ATP6V1F: variants seen among roughly 807,000 people sequenced by gnomAD.
ATP6V1F encodes the protein ATPase H+ transporting V1 subunit F, also known as V-type proton ATPase subunit F.
In ATP6V1F, 4 loss-of-function variants were observed where a neutral mutation model predicts 6.6. The observed-to-expected ratio is 0.60, with a 90% CI of 0.30 to 1.38. The LOEUF is 1.38. Among genes scored for constraint, ATP6V1F ranks in the 40% most tolerant of loss-of-function variants. ATP6V1F has a pLI of 0.08. For synonymous variants in ATP6V1F, 68 were observed against 66.9 expected (o/e 1.02, Z -0.08); for missense variants, 136 against 165.5 (o/e 0.82, Z 0.98).
chr7:128,865,723 G>A lies in ATP6V1F; in HGVS notation c.*145G>A. The A allele has an allele frequency of 1.1e-6, 1 of 873,270 alleles. No individual in the cohort carries two copies. Among genetic ancestry groups the A allele is most frequent in the Non-Finnish European group, 1.7e-6 (1 of 583,520 alleles). The allele number at this position is 873,270 out of a possible 1,614,324, so 54.1% of individuals were successfully genotyped here. Reference sequence around the variant, plus strand: ...AAGAGGCTAGGTGAGGCGCTTCTAGGTTGCTGGGGCTCTGCTGGTTAAGGA... The same window carrying A: ...AAGAGGCTAGGTGAGGCGCTTCTAGATTGCTGGGGCTCTGCTGGTTAAGGA... On this transcript the variant is annotated 3_prime_UTR_variant, in exon 2 of 2. Transcript: ENST00000249289. The surrounding 1 kb of genome is among the most constrained non-coding windows in gnomAD (Gnocchi z 4.4).
At chr7:128,864,902 T>C (rs1809355292) in intron 1 of ATP6V1F, 1 of 544,842 alleles carries the variant, frequency 1.8e-6, no homozygotes, top group African/African-American at 1.9e-5. Context: ...GGGGTCTCAC[T>C]ATGTGGCCCA....
intron 1 of ATP6V1F, among the ~76,000 whole-genome samples, chr7:128,863,392 G>A (rs1397447676): frequency 6.6e-6 from 1 of 152,196 alleles, no homozygotes; most frequent in Non-Finnish European, 1.5e-5. Context: ...GATGATTTTT[G>A]TCCTACTCAC....
chr7:128,864,598 CTT>C (rs563759628), intron 1 of ATP6V1F, among the ~76,000 whole-genome samples: 12 of 135,842 alleles, frequency 8.8e-5, no homozygotes, highest in East Asian at 6.4e-4. Context: ...GTTAATGTGT[CTT>C]TTTTTTTTTT....
rs770592204 is a variant in ATP6V1F, at chr7:128,865,521, C to T, written c.303C>T (p.Ala101=). The change falls in exon 2 of 2, where the codon GCC becomes GCT. Residue 101 remains alanine, a synonymous_variant. Transcript: ENST00000249289. The surrounding 1 kb of genome is among the most constrained non-coding windows in gnomAD (Gnocchi z 4.4). ...IPSKEHPYDA[A]KDSILRRARG... is the part of the protein sequence containing the mutation. Reference sequence around the variant, plus strand: ...CCAAGGAGCACCCATATGACGCCGCCAAGGACTCCATCCTGCGCAGGGCCA... The same window carrying T: ...CCAAGGAGCACCCATATGACGCCGCTAAGGACTCCATCCTGCGCAGGGCCA... 11 of 1,614,010 alleles carry T rather than the reference C, an allele frequency of 6.8e-6. No individual in the cohort carries two copies. The Admixed American group carries it at 1.2e-4, about 17-fold the overall frequency.
chr7:128,863,210 C>T, intron 1 of ATP6V1F, 148 bp downstream of exon 1: 3 of 905,474 alleles, frequency 3.3e-6, no homozygotes, highest in Non-Finnish European at 5.0e-6. Flanking sequence ...CCCAAGTCCC[C>T]GTTTGGGGCT....
rs758574710 is a variant in ATP6V1F at position 128,865,391 on chromosome 7, G to A, written c.173G>A (p.Arg58Gln). The A allele has an allele frequency of 1.5e-5, 24 of 1,613,956 alleles. No individual in the cohort carries two copies. Among genetic ancestry groups the A allele is most frequent in the Admixed American group, 3.3e-5 (2 of 60,002 alleles). ...IEDTFRQFLNRDDIGIILINQ... is the reference protein window; with the variant it reads ...IEDTFRQFLNQDDIGIILINQ... ...TCTCCCCACAGGCAATTTCTAAACC[G>A]GGATGACATTGGCATCATCCTCATC... Residue 58 changes from arginine to glutamine, a missense_variant, in exon 2 of 2, where the codon CGG becomes CAG. Transcript: ENST00000249289. This position sits in a 1 kb window ranked among gnomAD's most constrained non-coding sequence, Gnocchi z 4.4.
chr7:128,865,259 C>G lies in ATP6V1F; in HGVS notation c.159-118C>G. On this transcript the variant is annotated intron_variant, in intron 1 of 1. Transcript: ENST00000249289. This position sits in a 1 kb window ranked among gnomAD's most constrained non-coding sequence, Gnocchi z 4.4. ...CCTTTCCCCTTGTCCTCTGTGCCCT[C>G]TGGGTCATGCTCATTCCCCTCCACA... 2.6e-6 allele frequency: 4 copies of G among 1,558,456 alleles called. 1 individual carries two copies. The East Asian group carries it at 9.4e-5, about 37-fold the overall frequency.
intron 1 of ATP6V1F, 93 bp downstream of exon 1, chr7:128,863,155 G>C: frequency 6.8e-7 from 1 of 1,466,798 alleles, no homozygotes; most frequent in South Asian, 1.3e-5. Context: ...GTGAGGGGAC[G>C]ATCCTGAAAG....
In ATP6V1F at chr7:128,865,123, A is replaced by T. The variant is rs1338649362; in HGVS notation, c.159-254A>T. Reference sequence around the variant, plus strand: ...CCTAATCAATCTTCATTACCAGTTCACTTGGAAGCCTTCCGGGCAGTGTTG... The same window carrying T: ...CCTAATCAATCTTCATTACCAGTTCTCTTGGAAGCCTTCCGGGCAGTGTTG... On this transcript the variant is annotated intron_variant, in intron 1 of 1. Transcript: ENST00000249289. The surrounding 1 kb of genome is among the most constrained non-coding windows in gnomAD (Gnocchi z 4.4). The T allele has an allele frequency of 2.0e-6, 3 of 1,535,982 alleles. No homozygotes were observed.
intron 1 of ATP6V1F, chr7:128,864,891 G>A (rs1018497021): frequency 3.8e-6 from 2 of 519,528 alleles, no homozygotes; most frequent in African/African-American, 3.9e-5. Context: ...AGAGGGAGAT[G>A]GGGGTCTCAC....
chr7:128,862,877 C>G lies in ATP6V1F; in HGVS notation c.-28C>G. 1 of 1,543,122 alleles carries G rather than the reference C, an allele frequency of 6.5e-7. No individual in the cohort carries two copies. The highest frequency in any genetic ancestry group is 8.7e-7 in the Non-Finnish European group (1 of 1,145,470). ...CGGGGTTTCAGTGGCTTCTGGTGCT[C>G]TAGGGTGAGCTCTGCCCGGCTGCAG... is the stretch of plus-strand genomic sequence containing the variant. On this transcript the variant is annotated 5_prime_UTR_variant, in exon 1 of 2. Coordinates refer to ENST00000249289, the MANE Select transcript of ATP6V1F (RefSeq NM_004231.4).
intron 1 of ATP6V1F, among the ~76,000 whole-genome samples, chr7:128,863,599 G>C (rs756514930): frequency 2.6e-5 from 4 of 152,226 alleles, no homozygotes; most frequent in Admixed American, 6.5e-5. Flanking sequence ...TGTCGGGACT[G>C]TGAGAGCCTT....
chr7:128,863,078 A>C lies in ATP6V1F; in HGVS notation c.158+16A>C. 1.2e-6 allele frequency: 2 copies of C among 1,602,148 alleles called. No individual in the cohort carries two copies. The highest frequency in any genetic ancestry group is 1.7e-6 in the Non-Finnish European group (2 of 1,174,952). ...ACACTTTCCGGTACGGTACCGCGCG[A>C]GGCCTGAACGGGCCCTTCTGCTGCT... On this transcript the variant is annotated intron_variant, in intron 1 of 1. Coordinates refer to ENST00000249289, the MANE Select transcript of ATP6V1F (RefSeq NM_004231.4).
chr7:128,864,205 G>A (rs1490101978), intron 1 of ATP6V1F, among the ~76,000 whole-genome samples: 1 of 152,122 alleles, frequency 6.6e-6, no homozygotes, highest in South Asian at 2.1e-4. Context: ...TTAGCCAGGC[G>A]TGGTGGCGGG....
At chr7:128,863,200 C>T in intron 1 of ATP6V1F, 138 bp downstream of exon 1, 1 of 1,053,892 alleles carries the variant, frequency 9.5e-7, no homozygotes, top group Non-Finnish European at 1.4e-6. Flanking sequence ...GCCTCCGCGC[C>T]CCAAGTCCCC....
chr7:128,865,056 C>T lies in ATP6V1F; in HGVS notation c.159-321C>T, dbSNP rs1321044092. On this transcript the variant is annotated intron_variant, in intron 1 of 1. Transcript: ENST00000249289. This position sits in a 1 kb window ranked among gnomAD's most constrained non-coding sequence, Gnocchi z 4.4. ...GCATACATATAATCTTATCCTTCCC[C>T]TTTCTGACACATCACTGCATATTGA... 7.5e-7 allele frequency: 1 copy of T among 1,331,534 alleles called. No homozygotes were observed. 82.5% of individuals were successfully genotyped at this position (1,331,534 alleles called of 1,614,324 possible). A position where few individuals can be genotyped will look rare whatever the true frequency, so the allele number is the denominator to read the frequency against.
chr7:128,864,804 A>C, intron 1 of ATP6V1F: 1 of 293,974 alleles, frequency 3.4e-6, no homozygotes, highest in South Asian at 3.5e-5. Context: ...GTGTATATAT[A>C]TAGATAGATA....
chr7:128,862,904 G>A lies in ATP6V1F; in HGVS notation c.-1G>A. On this transcript the variant is annotated 5_prime_UTR_variant, in exon 1 of 2. Transcript: ENST00000249289. ...AGGGTGAGCTCTGCCCGGCTGCAGG[G>A]ATGGCGGGGAGGGGTAAGCTCATCG... 1.3e-6 allele frequency: 2 copies of A among 1,595,166 alleles called. No individual in the cohort carries two copies. The highest frequency in any genetic ancestry group is 1.7e-6 in the Non-Finnish European group (2 of 1,171,188).
In ATP6V1F at chr7:128,865,271, C is replaced by T; in HGVS notation, c.159-106C>T. On this transcript the variant is annotated intron_variant, in intron 1 of 1. Coordinates refer to ENST00000249289, the MANE Select transcript of ATP6V1F (RefSeq NM_004231.4). The surrounding 1 kb of genome is among the most constrained non-coding windows in gnomAD (Gnocchi z 4.4). ...TCCTCTGTGCCCTCTGGGTCATGCT[C>T]ATTCCCCTCCACAGCCCAGCCCAAC... The T allele has an allele frequency of 5.1e-6, 8 of 1,567,712 alleles. No individual in the cohort carries two copies. The highest frequency in any genetic ancestry group is 1.2e-5 in the South Asian group (1 of 86,848).
Sources: gnomAD v4.1 joint callset for allele counts (sites outside exome capture counted in the v4.1 genomes callset) on GRCh38, gnomAD v4.1.1 for gene constraint, Gnocchi (gnomAD v3.1) non-coding constraint, MANE v1.5 for transcripts, NCBI Gene and HGNC (gene_info 2026-07-23, HGNC 2026-07-21) for gene names.